Variants in SHISA9 observed in about 807,000 individuals in gnomAD.
SHISA9 encodes shisa family member 9, also known as protein shisa-9.
SHISA9 carries 13 observed loss-of-function variants against 38.0 expected under a neutral mutation model. That is an observed-to-expected ratio of 0.34 (90% CI 0.22 to 0.54). The LOEUF (loss-of-function observed/expected upper bound fraction) is 0.54. Ranked by LOEUF, SHISA9 falls within the 20% of genes least tolerant of loss-of-function variation. SHISA9 has a pLI of 0.91. For missense variants in SHISA9, 538 were observed against 575.8 expected, an observed-to-expected ratio of 0.93 and a Z score of 0.67; for synonymous variants, 275 against 242.0, an observed-to-expected ratio of 1.14 and a Z score of -1.27.
intron 2 of SHISA9, among the ~76,000 whole-genome samples, chr16:13,034,849 C>T (rs1392955720): frequency 6.6e-6 from 1 of 152,188 alleles, no homozygotes; most frequent in Non-Finnish European, 1.5e-5. Flanking sequence ...CCAGGTCATT[C>T]CCTTCTCCCA....
At chr16:12,925,730 A>G (rs571486124) in intron 2 of SHISA9, among the ~76,000 whole-genome samples, 100 of 152,332 alleles carry the variant, frequency 6.6e-4, no homozygotes, top group Non-Finnish European at 1.2e-3. Flanking sequence ...TTATCCTTGG[A>G]CACGTTTCTT....
At chr16:13,157,952 T>C (rs777577671) in intron 2 of SHISA9, among the ~76,000 whole-genome samples, 3 of 152,178 alleles carry the variant, frequency 2.0e-5, no homozygotes, top group Middle Eastern at 3.2e-3. Context: ...ATCTCCAGGG[T>C]TCTTAGCCCC....
the SHISA9 span, among the ~76,000 whole-genome samples, chr16:13,332,749 A>C: frequency 1.2e-3 from 186 of 152,322 alleles, no homozygotes; most frequent in Admixed American, 2.1e-3. Flanking sequence ...GAGGACTCTC[A>C]GGAGCCTCAC....
chr16:13,081,502 C>T (rs959837353), intron 2 of SHISA9, among the ~76,000 whole-genome samples: 1 of 150,942 alleles, frequency 6.6e-6, no homozygotes, highest in Admixed American at 6.6e-5. Flanking sequence ...TTGCTGGCTG[C>T]AAGGGAAGTT....
At chr16:13,522,376 T>C in the SHISA9 span, among the ~76,000 whole-genome samples, 1 of 152,168 alleles carries the variant, frequency 6.6e-6, no homozygotes. Flanking sequence ...CCTAATGACA[T>C]GTTCAGAGTT....
chr16:12,920,119 A>C (rs1438579617), intron 2 of SHISA9, among the ~76,000 whole-genome samples: 5 of 147,602 alleles, frequency 3.4e-5, no homozygotes, highest in Admixed American at 1.4e-4. Context: ...AACGTTTCTC[A>C]CTCATTTGTG....
At chr16:13,524,579 G>A in the SHISA9 span, among the ~76,000 whole-genome samples, 5 of 152,096 alleles carry the variant, frequency 3.3e-5, no homozygotes, top group African/African-American at 7.2e-5. Flanking sequence ...AAATTTTTTC[G>A]AAACAGTCTT....
the SHISA9 span, among the ~76,000 whole-genome samples, chr16:13,280,905 T>C: frequency 0.63 from 95,023 of 151,596 alleles, 29,840 homozygotes; most frequent in Admixed American, 0.68. Context: ...CAGGAAAGAA[T>C]GCAACAAGCA....
chr16:13,487,385 G>T, the SHISA9 span, among the ~76,000 whole-genome samples: 1 of 152,162 alleles, frequency 6.6e-6, no homozygotes, highest in East Asian at 1.9e-4. Flanking sequence ...CTTCTGGCGA[G>T]GCCTCAGGAA....
chr16:12,933,128 T>TAATG (rs2071483500), intron 2 of SHISA9, among the ~76,000 whole-genome samples: 1 of 152,224 alleles, frequency 6.6e-6, no homozygotes, highest in Non-Finnish European at 1.5e-5. Flanking sequence ...TATCTTTGTT[T>TAATG]AATGAATGAA....
chr16:13,257,713 C>G, the SHISA9 span, among the ~76,000 whole-genome samples: 1 of 152,188 alleles, frequency 6.6e-6, no homozygotes. Context: ...AGGGATCATA[C>G]ATTTATGTAA....
the SHISA9 span, among the ~76,000 whole-genome samples, chr16:13,465,753 C>A: frequency 6.7e-4 from 102 of 152,342 alleles, no homozygotes; most frequent in African/African-American, 2.3e-3. Context: ...CTCTCTCCCC[C>A]CTCTACCTCT....
chr16:13,181,308 TATATAC>T (rs1178785531), intron 2 of SHISA9, among the ~76,000 whole-genome samples: 623 of 37,438 alleles, frequency 0.017, 1 homozygote, highest in Middle Eastern at 0.062. Context: ...TATATATATA[TATATAC>T]ACACACACAC....
chr16:13,483,373 A>G, the SHISA9 span, among the ~76,000 whole-genome samples: 4 of 152,206 alleles, frequency 2.6e-5, no homozygotes, highest in African/African-American at 9.7e-5. Context: ...AATTGGAAGG[A>G]AACAAAATAT....
At chr16:13,075,328 C>T (rs960268301) in intron 2 of SHISA9, among the ~76,000 whole-genome samples, 1 of 152,210 alleles carries the variant, frequency 6.6e-6, no homozygotes, top group Admixed American at 6.5e-5. Flanking sequence ...CACCTGGTGT[C>T]AGCCCCTCCA....
intron 2 of SHISA9, among the ~76,000 whole-genome samples, chr16:12,935,469 A>C (rs936836776): frequency 1.3e-5 from 2 of 152,194 alleles, no homozygotes; most frequent in African/African-American, 4.8e-5. Context: ...ACTAGGCATA[A>C]TAATGAAGCC....
At chr16:12,909,825 C>T (rs80074058) in intron 1 of SHISA9, 19,955 of 151,726 alleles carry the variant, frequency 0.13, 1,414 homozygotes, top group South Asian at 0.28. Context: ...CATTATCCCT[C>T]TCCTTCCCTC....
chr16:13,366,998 AAAAG>A, the SHISA9 span, among the ~76,000 whole-genome samples: 1,079 of 147,938 alleles, frequency 7.3e-3, 9 homozygotes, highest in African/African-American at 0.024. Flanking sequence ...AAAAAAAAAA[AAAAG>A]AAGAAGAATC....
the SHISA9 span, among the ~76,000 whole-genome samples, chr16:13,368,828 A>C: frequency 6.6e-6 from 1 of 152,200 alleles, no homozygotes; most frequent in Non-Finnish European, 1.5e-5. Flanking sequence ...AAGGAAATTA[A>C]ATTTTACTAA....
Sources: allele counts gnomAD v4.1 joint callset (sites outside exome capture counted in the v4.1 genomes callset), GRCh38; gene constraint gnomAD v4.1.1; transcripts MANE v1.5; gene names NCBI Gene and HGNC (gene_info 2026-07-23, HGNC 2026-07-21).